FAM178B: variants seen among roughly 807,000 people sequenced by gnomAD.
The protein encoded by FAM178B is protein FAM178B.
FAM178B carries 82 observed loss-of-function variants against 91.7 expected under a neutral mutation model. The ratio of observed to expected loss-of-function variants is 0.89; its 90% CI spans 0.75 to 1.07. The LOEUF (loss-of-function observed/expected upper bound fraction) is 1.07, where lower values mean the gene tolerates loss of function less well. Ranked by LOEUF, FAM178B falls within the 50% of genes least tolerant of loss-of-function variation. The probability of loss-of-function intolerance (pLI) is 0.00; values close to 1 mark genes in which losing one functional copy is unlikely to be tolerated. For missense variants in FAM178B, 769 were observed against 846.7 expected (o/e 0.91, Z 1.14); for synonymous variants, 368 against 359.4 (o/e 1.02, Z -0.27).
chr2:96,905,846 ATATATATATATATATTTTTTTTTTTTTT>A (rs1253336633), intron 12 of FAM178B, among the ~76,000 whole-genome samples: 9 of 26,922 alleles, frequency 3.3e-4, no homozygotes, highest in African/African-American at 1.1e-3. Context: ...ATATATATAT[ATATATATATATATATTTTTTTTTTTTTT>A]TTTTTTTTTT....
At chr2:96,895,111 C>T (rs2080795551) in intron 13 of FAM178B, 3 of 1,289,370 alleles carry the variant, frequency 2.3e-6, no homozygotes, top group South Asian at 2.5e-5. Flanking sequence ...TGTCTTCAGC[C>T]CCTGCCTTCC....
intron 6 of FAM178B, among the ~76,000 whole-genome samples, chr2:96,958,223 C>T (rs1389446379): frequency 6.6e-6 from 1 of 152,032 alleles, no homozygotes; most frequent in Non-Finnish European, 1.5e-5. Context: ...GCGCCCGCTA[C>T]CACGCCCAGC....
At chr2:96,979,590 CAT>C (rs1379251952) in intron 1 of FAM178B, among the ~76,000 whole-genome samples, 6 of 152,194 alleles carry the variant, frequency 3.9e-5, no homozygotes, top group African/African-American at 7.2e-5. Flanking sequence ...CTGTGATAAA[CAT>C]ATGAGTGCAA....
chr2:96,877,266 C>T (rs2080265835), intron 16 of FAM178B, among the ~76,000 whole-genome samples: 1 of 152,168 alleles, frequency 6.6e-6, no homozygotes, highest in African/African-American at 2.4e-5. Flanking sequence ...CAGCTGGGGC[C>T]CCTTCCTGGC....
chr2:96,977,818 G>A (rs1035140224), intron 1 of FAM178B: 17 of 456,338 alleles, frequency 3.7e-5, no homozygotes, highest in South Asian at 2.0e-4. Context: ...GCATAATACC[G>A]GCCTTTGTTC....
rs191850353 is a variant in FAM178B at position 96,911,084 on chromosome 2, T to A, written c.1563-8377A>T. Among the ~76,000 whole-genome samples, 339 of 152,218 alleles carry A rather than the reference T, an allele frequency of 2.2e-3. 15 individuals carry two copies. The East Asian group carries it at 0.04, about 18-fold the overall frequency. On this transcript the variant is annotated intron_variant, in intron 12 of 16. Transcript: ENST00000490605. ...TGCCTGGCCCTAGAATCTTTTTTTT[T>A]AAGTTCTACCTCTTTATGCTTCTTT... is the stretch of plus-strand genomic sequence containing the variant.
At chr2:96,967,467 T>C in intron 5 of FAM178B, 53 bp downstream of exon 5, 1 of 1,147,922 alleles carries the variant, frequency 8.7e-7, no homozygotes, top group Middle Eastern at 1.9e-4. Flanking sequence ...CAGAGGGGGT[T>C]GGCACCTCAG....
rs928049016 is a variant in FAM178B at position 96,882,834 on chromosome 2, C to T, written c.1777-4341G>A. 3.3e-5 allele frequency among the ~76,000 whole-genome samples: 5 copies of T among 152,218 alleles called. No individual in the cohort carries two copies. In the South Asian group the frequency reaches 8.3e-4, roughly 25 times the overall value. Reference sequence around the variant, plus strand: ...GGGACCCAGCTCCTGCCCCATGGCACGTTAGTCAGGCTGGGAAGCCCTAAT... The same window carrying T: ...GGGACCCAGCTCCTGCCCCATGGCATGTTAGTCAGGCTGGGAAGCCCTAAT... On this transcript the variant is annotated intron_variant, in intron 14 of 16. Transcript: ENST00000490605.
chr2:96,881,270 CAAA>C (rs1168855038), intron 14 of FAM178B, among the ~76,000 whole-genome samples: 34 of 64,346 alleles, frequency 5.3e-4, no homozygotes, highest in African/African-American at 1.3e-3. Context: ...AAGCTGGTCT[CAAA>C]AAAAAAAAAA....
intron 4 of FAM178B, among the ~76,000 whole-genome samples, chr2:96,968,865 T>G (rs575486374): frequency 3.2e-4 from 49 of 152,310 alleles, no homozygotes; most frequent in Non-Finnish European, 5.7e-4. Flanking sequence ...TCCAGCCCCA[T>G]GCACATCTCA....
intron 8 of FAM178B, among the ~76,000 whole-genome samples, chr2:96,945,352 T>G (rs1025788784): frequency 1.4e-5 from 2 of 143,590 alleles, no homozygotes; most frequent in Non-Finnish European, 3.0e-5. Context: ...TAATAGTCAA[T>G]GCTCTTAAGT....
intron 14 of FAM178B, among the ~76,000 whole-genome samples, chr2:96,881,463 C>T (rs1022987106): frequency 1.3e-5 from 2 of 151,834 alleles, no homozygotes; most frequent in African/African-American, 4.8e-5. Context: ...GAAAGGGGGC[C>T]TGTCCCTCTC....
intron 14 of FAM178B, among the ~76,000 whole-genome samples, chr2:96,883,760 G>C (rs2080448146): frequency 6.6e-6 from 1 of 152,192 alleles, no homozygotes; most frequent in Admixed American, 6.5e-5. Flanking sequence ...CAGGAAGCTG[G>C]CCCTGATGTC....
At chr2:96,928,010 G>T (rs1260974991) in intron 9 of FAM178B, among the ~76,000 whole-genome samples, 1 of 152,258 alleles carries the variant, frequency 6.6e-6, no homozygotes, top group African/African-American at 2.4e-5. Context: ...GAGGGAAAGG[G>T]GCAGGAGCAC....
intron 1 of FAM178B, among the ~76,000 whole-genome samples, chr2:96,975,202 C>T (rs1230321606): frequency 6.6e-6 from 1 of 150,646 alleles, no homozygotes; most frequent in Non-Finnish European, 1.5e-5. Flanking sequence ...TTCCAGAGTT[C>T]TACTGTATAA....
At position 96,930,210 on chromosome 2, in the gene FAM178B, CAAAAAAAAAAAAA is replaced by C. The variant is rs60102987; in HGVS notation, c.1079-903_1079-891del. On this transcript the variant is annotated intron_variant, in intron 8 of 16. Coordinates refer to ENST00000490605, the MANE Select transcript of FAM178B (RefSeq NM_001122646.3). ...GTGACAGAGCGAGACTCCGTCTCTC[CAAAAAAAAAAAAA>C]AAAAAAAAAAAAAAAAAAAAATCTG... Among the ~76,000 whole-genome samples, 363 of 39,558 alleles carry C rather than the reference CAAAAAAAAAAAAA, an allele frequency of 9.2e-3. 11 individuals are homozygous for C. In the East Asian group the frequency reaches 0.12, roughly 13 times the overall value. The allele number at this position is 39,558 out of a possible 152,430, so 26.0% of individuals were successfully genotyped here. A position where few individuals can be genotyped will look rare whatever the true frequency, so the allele number is the denominator to read the frequency against.
rs115594163 is a variant in FAM178B, at chr2:96,934,308, C to T, written c.1079-4988G>A. ...GGCAGAGACCTGAGGCCAGGGAGCA[C>T]GGCTGTCTTCTAGGTTGAGCAAGGA... On this transcript the variant is annotated intron_variant, in intron 8 of 16. Coordinates refer to ENST00000490605, the MANE Select transcript of FAM178B (RefSeq NM_001122646.3). Among the ~76,000 whole-genome samples, 1,281 of 152,240 alleles carry T rather than the reference C, an allele frequency of 8.4e-3. 7 individuals are homozygous for T. Among genetic ancestry groups the T allele is most frequent in the Non-Finnish European group, 0.013 (905 of 68,026 alleles).
At position 96,936,905 on chromosome 2, in the gene FAM178B, T is replaced by C. The variant is rs1444478916; in HGVS notation, c.1079-7585A>G. On this transcript the variant is annotated intron_variant, in intron 8 of 16. Transcript: ENST00000490605. ...GCAGACCCGGCACTGGAAGGGATGA[T>C]GGTGGTTGCTCTCATCTCAATCAAG... Among the ~76,000 whole-genome samples, 3 of 152,204 alleles carry C rather than the reference T, an allele frequency of 2.0e-5. No individual in the cohort carries two copies. The East Asian group carries it at 5.8e-4, about 29-fold the overall frequency.
chr2:96,951,592 A>T, intron 6 of FAM178B, 108 bp from the exon 7 acceptor site: 1 of 798,724 alleles, frequency 1.3e-6, no homozygotes, highest in Non-Finnish European at 2.1e-6. Flanking sequence ...GTTGGGAAGC[A>T]TATCTGTAAC....
Sources: allele counts gnomAD v4.1 joint callset (sites outside exome capture counted in the v4.1 genomes callset), GRCh38; gene constraint gnomAD v4.1.1; transcripts MANE v1.5; gene names NCBI Gene and HGNC (gene_info 2026-07-23, HGNC 2026-07-21).